Variants in B3GAT2 observed in about 807,000 individuals in gnomAD.
B3GAT2 encodes galactosylgalactosylxylosylprotein 3-beta-glucuronosyltransferase 2.
B3GAT2 carries 26 observed loss-of-function variants against 27.8 expected under a neutral mutation model. That is an observed-to-expected ratio of 0.93 (90% CI 0.68 to 1.30). B3GAT2 has a LOEUF of 1.30. B3GAT2 is among the 50% of genes most tolerant of loss of function. The pLI, the probability that B3GAT2 is intolerant of heterozygous loss-of-function variation, is 0.00. For synonymous variants in B3GAT2, 218 were observed against 195.1 expected (o/e 1.12, Z -0.98); for missense variants, 458 against 459.0 (o/e 1.00, Z 0.02).
chr6:70,916,221 G>T (rs1772770838), intron 1 of B3GAT2, among the ~76,000 whole-genome samples: 1 of 151,944 alleles, frequency 6.6e-6, no homozygotes, highest in Non-Finnish European at 1.5e-5. Flanking sequence ...TGGTGGATAG[G>T]AATGCTTGTG....
At chr6:70,900,519 G>A (rs187875178) in intron 1 of B3GAT2, among the ~76,000 whole-genome samples, 2 of 152,238 alleles carry the variant, frequency 1.3e-5, no homozygotes, top group Non-Finnish European at 2.9e-5. Flanking sequence ...CTTCTGAGTA[G>A]CTAAGATTAC....
chr6:70,944,961 A>C (rs947496352), intron 1 of B3GAT2, among the ~76,000 whole-genome samples: 1 of 152,206 alleles, frequency 6.6e-6, no homozygotes, highest in Non-Finnish European at 1.5e-5. Context: ...CCAGGCAAAC[A>C]GGGTCTGGAG....
chr6:70,882,780 A>G (rs1223554355), intron 2 of B3GAT2, among the ~76,000 whole-genome samples: 1 of 152,218 alleles, frequency 6.6e-6, no homozygotes, highest in Non-Finnish European at 1.5e-5. Flanking sequence ...TGCATGCCGC[A>G]GAGGAAAGGC....
intron 2 of B3GAT2, among the ~76,000 whole-genome samples, chr6:70,871,331 A>G (rs1382438684): frequency 6.6e-6 from 1 of 151,292 alleles, no homozygotes; most frequent in Non-Finnish European, 1.5e-5. Flanking sequence ...TTTGTGAAGA[A>G]TTGGTAATTC....
At chr6:70,935,129 G>T in intron 1 of B3GAT2, among the ~76,000 whole-genome samples, 1 of 147,116 alleles carries the variant, frequency 6.8e-6, no homozygotes, top group East Asian at 2.0e-4. Context: ...AATGAAGATA[G>T]AAAAAAAAAA....
chr6:70,873,862 A>G (rs1344006917), intron 2 of B3GAT2, among the ~76,000 whole-genome samples: 1 of 152,032 alleles, frequency 6.6e-6, no homozygotes, highest in Admixed American at 6.6e-5. Flanking sequence ...ATTAGTGTAC[A>G]TTTCAACTCC....
intron 2 of B3GAT2, among the ~76,000 whole-genome samples, chr6:70,868,192 T>C (rs1038966669): frequency 6.6e-6 from 1 of 152,198 alleles, no homozygotes; most frequent in Non-Finnish European, 1.5e-5. Flanking sequence ...AAATACCTAA[T>C]GCCAACATTA....
intron 2 of B3GAT2, among the ~76,000 whole-genome samples, chr6:70,879,752 G>C (rs1772069719): frequency 6.6e-6 from 1 of 152,138 alleles, no homozygotes; most frequent in African/African-American, 2.4e-5. Flanking sequence ...GACTCTGAAG[G>C]ATGGTGTGGG....
In B3GAT2 at chr6:70,857,998, C is replaced by T. The variant is rs772991391; in HGVS notation, c.*3665G>A. On this transcript the variant is annotated 3_prime_UTR_variant, in exon 4 of 4. Coordinates refer to ENST00000230053, the MANE Select transcript of B3GAT2 (RefSeq NM_080742.3). Reference sequence around the variant, plus strand: ...CATTTCAGGGCTTTCCATCGATGGGCGTGCCTGTGCCTGCAGCTCCTGGCC... The same window carrying T: ...CATTTCAGGGCTTTCCATCGATGGGTGTGCCTGTGCCTGCAGCTCCTGGCC... 1.6e-5 allele frequency: 26 copies of T among 1,613,980 alleles called. No homozygotes were observed. Among genetic ancestry groups the T allele is most frequent in the Non-Finnish European group, 1.9e-5 (23 of 1,180,016 alleles).
chr6:70,925,513 C>T lies in B3GAT2; in HGVS notation c.591+30326G>A, dbSNP rs188478932. On this transcript the variant is annotated intron_variant, in intron 1 of 3. Coordinates refer to ENST00000230053, the MANE Select transcript of B3GAT2 (RefSeq NM_080742.3). ...AGGAGATTATAACCCGTGCCTGGCT[C>T]GGCGGTTCCCACACCTATGGAGCCT... Among the ~76,000 whole-genome samples the T allele has an allele frequency of 2.0e-3, 311 of 152,320 alleles. 1 individual carries two copies. Among genetic ancestry groups the T allele is most frequent in the Non-Finnish European group, 2.6e-3 (175 of 68,030 alleles).
intron 1 of B3GAT2, among the ~76,000 whole-genome samples, chr6:70,935,435 C>G (rs1230496118): frequency 6.6e-6 from 1 of 151,520 alleles, no homozygotes; most frequent in African/African-American, 2.4e-5. Context: ...GTCTGGGCAA[C>G]AGAGAGAGAC....
intron 1 of B3GAT2, among the ~76,000 whole-genome samples, chr6:70,895,836 T>C (rs1393951016): frequency 6.6e-6 from 1 of 151,760 alleles, no homozygotes; most frequent in Non-Finnish European, 1.5e-5. Context: ...TTTACAACTT[T>C]TTTTTTTTTT....
Position 70,860,498 on chromosome 6 carries a change from TGTG to T in B3GAT2, c.*1162_*1164del, listed in dbSNP as rs370747580. 113 of 697,606 alleles carry T rather than the reference TGTG, an allele frequency of 1.6e-4. 1 individual carries two copies. In the Admixed American group the frequency reaches 1.7e-3, roughly 11 times the overall value. The allele number at this position is 697,606 out of a possible 1,614,324, so 43.2% of individuals were successfully genotyped here. On this transcript the variant is annotated 3_prime_UTR_variant, in exon 4 of 4. Coordinates refer to ENST00000230053, the MANE Select transcript of B3GAT2 (RefSeq NM_080742.3). The stretch of plus-strand genomic sequence containing the variant: ...GTTGGTCTGTACTGATTCAATTTGA[TGTG>T]GTGAAAAGCAGGTTGATAAATCATT...
chr6:70,890,810 C>G (rs1772275695), intron 2 of B3GAT2, among the ~76,000 whole-genome samples: 1 of 152,214 alleles, frequency 6.6e-6, no homozygotes, highest in Non-Finnish European at 1.5e-5. Context: ...AATAAAGTAC[C>G]TACTGTGTGC....
At chr6:70,888,785 T>C (rs1236217054) in intron 2 of B3GAT2, among the ~76,000 whole-genome samples, 1 of 152,194 alleles carries the variant, frequency 6.6e-6, no homozygotes, top group Non-Finnish European at 1.5e-5. Context: ...CTGGGATAAC[T>C]TGTTCCAAAA....
chr6:70,947,860 G>C (rs1446696273), intron 1 of B3GAT2, among the ~76,000 whole-genome samples: 2 of 152,172 alleles, frequency 1.3e-5, no homozygotes, highest in Non-Finnish European at 1.5e-5. Flanking sequence ...GAATCCAGCA[G>C]CACATCAAAA....
At chr6:70,930,539 A>T (rs1276561804) in intron 1 of B3GAT2, among the ~76,000 whole-genome samples, 1 of 152,266 alleles carries the variant, frequency 6.6e-6, no homozygotes, top group Non-Finnish European at 1.5e-5. Flanking sequence ...GAAGGATATG[A>T]ACAGACACTT....
chr6:70,873,066 T>C (rs927044379), intron 2 of B3GAT2, among the ~76,000 whole-genome samples: 5 of 152,122 alleles, frequency 3.3e-5, no homozygotes, highest in Admixed American at 6.5e-5. Flanking sequence ...TTTATGTAGC[T>C]GTTTTTCAAA....
intron 2 of B3GAT2, among the ~76,000 whole-genome samples, chr6:70,888,027 T>G (rs193026173): frequency 7.7e-4 from 117 of 152,304 alleles, no homozygotes; most frequent in African/African-American, 2.7e-3. Context: ...AGCAAGGGAC[T>G]GCCAAGAATC....
Sources: allele counts gnomAD v4.1 joint callset (sites outside exome capture counted in the v4.1 genomes callset), GRCh38; gene constraint gnomAD v4.1.1; transcripts MANE v1.5; gene names NCBI Gene and HGNC (gene_info 2026-07-23, HGNC 2026-07-21).